The following RBIS variants were observed in gnomAD, a reference collection of about 807,000 sequenced individuals.
RBIS encodes the protein ribosomal biogenesis factor.
RBIS carries 9 observed loss-of-function variants against 9.8 expected under a neutral mutation model. The ratio of observed to expected loss-of-function variants is 0.92; its 90% CI spans 0.56 to 1.61. The LOEUF (loss-of-function observed/expected upper bound fraction) is 1.61. RBIS is among the 40% of genes most tolerant of loss of function. The probability of loss-of-function intolerance (pLI) is 0.00; values close to 1 mark genes in which losing one functional copy is unlikely to be tolerated. For missense variants in RBIS, 103 were observed against 116.0 expected, an observed-to-expected ratio of 0.89 and a Z score of 0.51; for synonymous variants, 35 against 37.9, an observed-to-expected ratio of 0.92 and a Z score of 0.28.
At chr8:85,219,952 C>T (rs1037596167) in intron 1 of RBIS, among the ~76,000 whole-genome samples, 1 of 152,014 alleles carries the variant, frequency 6.6e-6, no homozygotes, top group African/African-American at 2.4e-5. Flanking sequence ...ATAATATACA[C>T]ATGGACCATG....
At chr8:85,219,062 A>T (rs1042168895) in intron 1 of RBIS, 1 of 152,238 alleles carries the variant, frequency 6.6e-6, no homozygotes, top group African/African-American at 2.4e-5. Flanking sequence ...AACCTTCAAC[A>T]GTTTTCCCAA....
intron 2 of RBIS, chr8:85,215,910 A>G (rs1446223725): frequency 6.6e-6 from 1 of 152,158 alleles, no homozygotes; most frequent in East Asian, 1.9e-4. Context: ...GAGGCTTAGG[A>G]CTCAACTCTC....
chr8:85,215,545 T>C (rs142656668), intron 2 of RBIS: 2 of 152,296 alleles, frequency 1.3e-5, no homozygotes, highest in Non-Finnish European at 1.5e-5. Flanking sequence ...TTTAATGAAT[T>C]ATGCCTACAT....
intron 1 of RBIS, chr8:85,218,489 A>G (rs1323520388): frequency 6.6e-6 from 1 of 152,192 alleles, no homozygotes; most frequent in South Asian, 2.1e-4. Flanking sequence ...CCCTAGGTCC[A>G]TTTGTTCAAA....
intron 1 of RBIS, among the ~76,000 whole-genome samples, chr8:85,219,677 G>GT: frequency 6.6e-6 from 1 of 152,258 alleles, no homozygotes; most frequent in South Asian, 2.1e-4. Flanking sequence ...GGAGGTTGCA[G>GT]TGAGCCGAGA....
At chr8:85,215,369 G>A (rs4150977) in intron 2 of RBIS, 97,319 of 155,546 alleles carry the variant, frequency 0.63, 31,029 homozygotes, top group Non-Finnish European at 0.67. Context: ...TGTATTAAGA[G>A]GGATAAGAGT....
intron 1 of RBIS, chr8:85,218,782 A>C (rs1446669887): frequency 6.6e-6 from 1 of 152,270 alleles, no homozygotes; most frequent in African/African-American, 2.4e-5. Flanking sequence ...CAGTGAGCCA[A>C]GATTGCACCA....
At chr8:85,219,612 G>A (rs1020948979) in intron 1 of RBIS, among the ~76,000 whole-genome samples, 6 of 152,024 alleles carry the variant, frequency 3.9e-5, no homozygotes, top group Admixed American at 6.6e-5. Context: ...TTAGCCGGGC[G>A]TGGTGACGCG....
intron 2 of RBIS, 121 bp downstream of exon 2, chr8:85,217,265 C>A (rs969191580): frequency 5.5e-6 from 4 of 728,348 alleles, no homozygotes; most frequent in African/African-American, 3.5e-5. Context: ...TTGAAACCAT[C>A]CTTACCTTTC....
chr8:85,215,156 T>C (rs1813089791), intron 2 of RBIS, 119 bp from the exon 3 acceptor site: 1 of 470,580 alleles, frequency 2.1e-6, no homozygotes, highest in Non-Finnish European at 3.7e-6. Context: ...TTAGGGATAA[T>C]TCACTCAAAA....
chr8:85,218,981 C>T (rs1473260603), intron 1 of RBIS: 1 of 152,260 alleles, frequency 6.6e-6, no homozygotes, highest in Non-Finnish European at 1.5e-5. Flanking sequence ...AGTCTGCCAA[C>T]TCCTGGCTTA....
At chr8:85,215,067 TG>T (rs1474730913) in intron 2 of RBIS, 30 bp from the exon 3 acceptor site, 7 of 897,626 alleles carry the variant, frequency 7.8e-6, no homozygotes, top group African/African-American at 1.7e-5. Context: ...CATTAATCTA[TG>T]ATCTCATAAC....
chr8:85,218,084 A>G (rs1350023258), intron 1 of RBIS, among the ~76,000 whole-genome samples: 1 of 152,334 alleles, frequency 6.6e-6, no homozygotes, highest in Non-Finnish European at 1.5e-5. Flanking sequence ...CTAGAGATGC[A>G]TTAAGCCAGT....
In RBIS at chr8:85,217,312, A is replaced by G. The variant is rs768516959; in HGVS notation, c.114+74T>C. 42 of 859,344 alleles carry G rather than the reference A, an allele frequency of 4.9e-5. 1 individual carries two copies. Among genetic ancestry groups the G allele is most frequent in the Middle Eastern group, 4.3e-4 (2 of 4,640 alleles). The allele number at this position is 859,344 out of a possible 1,614,324, so 53.2% of individuals were successfully genotyped here. ...AAGAACCTTTTTAAAAAGTAATAGTATACAGCTGTTCAGTAGCTTACAATG... is the reference window on the plus strand; with the variant it reads ...AAGAACCTTTTTAAAAAGTAATAGTGTACAGCTGTTCAGTAGCTTACAATG... On this transcript the variant is annotated intron_variant, in intron 2 of 3. Transcript: ENST00000619594.
chr8:85,214,195 CA>C lies in RBIS; in HGVS notation c.*364del. The C allele has an allele frequency of 1.9e-6, 1 of 535,236 alleles. No individual in the cohort carries two copies. The highest frequency in any genetic ancestry group is 4.8e-5 in the East Asian group (1 of 20,782). The allele number at this position is 535,236 out of a possible 1,614,324, so 33.2% of individuals were successfully genotyped here. On this transcript the variant is annotated 3_prime_UTR_variant, in exon 4 of 4. Coordinates refer to ENST00000619594, the MANE Select transcript of RBIS (RefSeq NM_001099673.3). ...AAAGGACACTACAGGTCATCAAAAA[CA>C]AGTTGGCCAAGGACTCATTACTTGT...
At chr8:85,214,823 A>C in intron 3 of RBIS, 98 bp downstream of exon 3, 2 of 774,994 alleles carry the variant, frequency 2.6e-6, no homozygotes, top group Non-Finnish European at 4.3e-6. Flanking sequence ...GCCAAGTACT[A>C]AAAATTACAC....
Position 85,214,234 on chromosome 8 carries a change from C to T in RBIS, c.*326G>A. 1.8e-6 allele frequency: 1 copy of T among 546,762 alleles called. No individual in the cohort carries two copies. The allele number at this position is 546,762 out of a possible 1,614,324, so 33.9% of individuals were successfully genotyped here. A position where few individuals can be genotyped will look rare whatever the true frequency, so the allele number is the denominator to read the frequency against. On this transcript the variant is annotated 3_prime_UTR_variant, in exon 4 of 4. Coordinates refer to ENST00000619594, the MANE Select transcript of RBIS (RefSeq NM_001099673.3). Reference sequence around the variant, plus strand: ...ACTCATTACTTGTCTTATATTTTTACTGCCACTAAACTGCCTGTATTTCTG... The same window carrying T: ...ACTCATTACTTGTCTTATATTTTTATTGCCACTAAACTGCCTGTATTTCTG...
rs762717885 is a variant in RBIS at position 85,214,167 on chromosome 8, GT to G, written c.*392del. ...CTGTTTTTTCTTCTTAAGGAGGAAA[GT>G]TAAAGGACACTACAGGTCATCAAAA... On this transcript the variant is annotated 3_prime_UTR_variant, in exon 4 of 4. Coordinates refer to ENST00000619594, the MANE Select transcript of RBIS (RefSeq NM_001099673.3). 1.9e-6 allele frequency: 1 copy of G among 536,922 alleles called. No homozygotes were observed. The highest frequency in any genetic ancestry group is 1.5e-5 in the South Asian group (1 of 64,844). 33.3% of individuals were successfully genotyped at this position (536,922 alleles called of 1,614,324 possible).
At chr8:85,219,166 A>T (rs1390199707) in intron 1 of RBIS, 1 of 152,240 alleles carries the variant, frequency 6.6e-6, no homozygotes, top group Admixed American at 6.5e-5. Flanking sequence ...CGTCCCTATA[A>T]ACACTGCTCT....
Sources: allele counts gnomAD v4.1 joint callset (sites outside exome capture counted in the v4.1 genomes callset), GRCh38; gene constraint gnomAD v4.1.1; transcripts MANE v1.5; gene names NCBI Gene and HGNC (gene_info 2026-07-23, HGNC 2026-07-21).